CCDC47: variants seen among roughly 807,000 people sequenced by gnomAD.
The protein encoded by CCDC47 is coiled-coil domain containing 47.
In CCDC47, 41 loss-of-function variants were observed where a neutral mutation model predicts 60.5. That is an observed-to-expected ratio of 0.68 (90% CI 0.53 to 0.88). The LOEUF is 0.88. Among genes scored for constraint, CCDC47 ranks in the 40% least tolerant of loss-of-function variants. The pLI, the probability that CCDC47 is intolerant of heterozygous loss-of-function variation, is 0.00. For missense variants in CCDC47, 513 were observed against 580.9 expected, an observed-to-expected ratio of 0.88 and a Z score of 1.20; for synonymous variants, 195 against 190.7, an observed-to-expected ratio of 1.02 and a Z score of -0.18.
intron 6 of CCDC47, 98 bp from the exon 7 acceptor site, chr17:63,756,668 T>C (rs2039209615): frequency 6.6e-6 from 5 of 761,604 alleles, no homozygotes; most frequent in Non-Finnish European, 1.1e-5. Context: ...CGCTGGTGCA[T>C]ATACTCTCCC....
rs1276901369 is a variant in CCDC47, at chr17:63,745,472, TGTTA to T, written c.*1405_*1408del. 3 of 152,234 alleles carry T rather than the reference TGTTA, an allele frequency of 2.0e-5. No homozygotes were observed. Among genetic ancestry groups the T allele is most frequent in the South Asian group, 2.1e-4 (1 of 4,834 alleles). 9.4% of individuals were successfully genotyped at this position (152,234 alleles called of 1,614,324 possible). On this transcript the variant is annotated 3_prime_UTR_variant, in exon 13 of 13. Coordinates refer to ENST00000225726, the MANE Select transcript of CCDC47 (RefSeq NM_020198.3). ...ATAATATTAAAGTAATTAAGTTTTA[TGTTA>T]GTTATTTTAATAACAACTTCATGAA...
intron 12 of CCDC47, among the ~76,000 whole-genome samples, chr17:63,751,008 G>C (rs142629497): frequency 1.3e-5 from 2 of 150,568 alleles, no homozygotes; most frequent in Admixed American, 6.6e-5. Context: ...CCAAGTAGTT[G>C]GGACTACAGG....
At chr17:63,760,836 CAAAA>C (rs374704881) in intron 6 of CCDC47, 74 bp downstream of exon 6, 4,606 of 785,148 alleles carry the variant, frequency 5.9e-3, no homozygotes, top group South Asian at 8.2e-3. Flanking sequence ...GAGACTCCAT[CAAAA>C]AAAAAAAAAA....
At chr17:63,773,052 G>A (rs2039362348) in intron 1 of CCDC47, among the ~76,000 whole-genome samples, 1 of 152,226 alleles carries the variant, frequency 6.6e-6, no homozygotes, top group Non-Finnish European at 1.5e-5. Context: ...GCCAAAACGA[G>A]TATTCTGGAA....
rs1257498875 is a variant in CCDC47, at chr17:63,746,824, T to C, written c.*57A>G. On this transcript the variant is annotated 3_prime_UTR_variant, in exon 13 of 13. Transcript: ENST00000225726. ...GAGAAATGGACTGGCGTTTTTCATG[T>C]TTCCTGTGAATTCAGAGCTTACAGG... 9 of 1,308,152 alleles carry C rather than the reference T, an allele frequency of 6.9e-6. No individual in the cohort carries two copies. In the African/African-American group the frequency reaches 1.3e-4, roughly 19 times the overall value. The allele number at this position is 1,308,152 out of a possible 1,614,324, so 81.0% of individuals were successfully genotyped here.
At chr17:63,749,403 C>T (rs2039145166) in intron 12 of CCDC47, among the ~76,000 whole-genome samples, 1 of 121,158 alleles carries the variant, frequency 8.3e-6, no homozygotes, top group Admixed American at 9.1e-5. Context: ...TCAAACAAAA[C>T]AAAACAAAAC....
intron 12 of CCDC47, 47 bp downstream of exon 12, chr17:63,751,893 T>C (rs1271423635): frequency 6.3e-7 from 1 of 1,599,444 alleles, no homozygotes; most frequent in Non-Finnish European, 8.6e-7. Flanking sequence ...ACACAAGCAG[T>C]CATCCTTACA....
chr17:63,767,484 G>A (rs2039305567), intron 1 of CCDC47, among the ~76,000 whole-genome samples: 1 of 152,008 alleles, frequency 6.6e-6, no homozygotes. Flanking sequence ...AAAAAAGTGG[G>A]GAGACCATTT....
At chr17:63,769,375 A>G (rs550508861) in intron 1 of CCDC47, among the ~76,000 whole-genome samples, 29 of 152,140 alleles carry the variant, frequency 1.9e-4, no homozygotes, top group Admixed American at 1.7e-3. Flanking sequence ...GCACTTTGGG[A>G]GGCTGAGGTG....
chr17:63,760,462 A>G (rs1320786248), intron 6 of CCDC47, among the ~76,000 whole-genome samples: 1 of 152,198 alleles, frequency 6.6e-6, no homozygotes, highest in Admixed American at 6.5e-5. Flanking sequence ...CAAGGAGAAA[A>G]AGGGTCCATT....
Position 63,752,016 on chromosome 17 carries a change from C to T in CCDC47, c.1295G>A (p.Arg432Gln), listed in dbSNP as rs752824382. The change falls in exon 12 of 13, where the codon CGG (arginine) becomes CAG (glutamine). Residue 432 changes from arginine to glutamine, a missense_variant. Coordinates refer to ENST00000225726, the MANE Select transcript of CCDC47 (RefSeq NM_020198.3). The stretch of plus-strand genomic sequence containing the variant: ...CTCTGCTCTTTTTTTCTCCTCCCGC[C>T]GAGACTGTGCTGCTTCCTGTCTTTG... Reference protein sequence around the residue: ...HVQRQEAAQSRREEKKRAEKE... With the variant: ...HVQRQEAAQSQREEKKRAEKE... 8 of 1,613,532 alleles carry T rather than the reference C, an allele frequency of 5.0e-6. No homozygotes were observed. Among genetic ancestry groups the T allele is most frequent in the South Asian group, 1.1e-5 (1 of 91,070 alleles).
At chr17:63,754,355 G>T in intron 9 of CCDC47, 78 bp downstream of exon 9, 1 of 858,364 alleles carries the variant, frequency 1.2e-6, no homozygotes, top group Non-Finnish European at 1.9e-6. Context: ...AAGGGATATT[G>T]CAGAAGCACC....
rs1413539714 is a variant in CCDC47, at chr17:63,761,997, ATGGAG to A, written c.548-651_548-647del. ...TCTCTGCCAAAAGTTAAAAACTCCT[ATGGAG>A]TGAATAAAAAATACCATTAATACAA... On this transcript the variant is annotated intron_variant, in intron 4 of 12. Transcript: ENST00000225726. The A allele has an allele frequency of 6.0e-6, 5 of 837,414 alleles. No individual in the cohort carries two copies. In the African/African-American group the frequency reaches 9.2e-5, roughly 15 times the overall value. The allele number at this position is 837,414 out of a possible 1,614,324, so 51.9% of individuals were successfully genotyped here. A position where few individuals can be genotyped will look rare whatever the true frequency, so the allele number is the denominator to read the frequency against.
intron 1 of CCDC47, among the ~76,000 whole-genome samples, chr17:63,771,192 C>A (rs1360823482): frequency 6.6e-6 from 1 of 151,298 alleles, no homozygotes; most frequent in Non-Finnish European, 1.5e-5. Flanking sequence ...ATTCAACCAA[C>A]CACAGATGGA....
chr17:63,750,249 A>C lies in CCDC47; in HGVS notation c.1371+1691T>G, dbSNP rs1425005743. On this transcript the variant is annotated intron_variant, in intron 12 of 12. Coordinates refer to ENST00000225726, the MANE Select transcript of CCDC47 (RefSeq NM_020198.3). The stretch of plus-strand genomic sequence containing the variant: ...AGAAAAATGAAAGGCATTACCTATT[A>C]ATGATTCCTCTGTAGATTCTTCACA... Among the ~76,000 whole-genome samples, 3 of 152,340 alleles carry C rather than the reference A, an allele frequency of 2.0e-5. No individual in the cohort carries two copies. The East Asian group carries it at 5.8e-4, about 29-fold the overall frequency.
intron 12 of CCDC47, 76 bp from the exon 13 acceptor site, chr17:63,747,037 TAAAA>T (rs1021590518): frequency 6.5e-7 from 1 of 1,537,318 alleles, no homozygotes; most frequent in Non-Finnish European, 8.8e-7. Flanking sequence ...AAACATATGT[TAAAA>T]AAAAATCCAA....
chr17:63,766,884 G>GT (rs2039301826), intron 1 of CCDC47: 3 of 979,764 alleles, frequency 3.1e-6, no homozygotes, highest in Non-Finnish European at 3.6e-6. Flanking sequence ...TCTGTTAGTG[G>GT]TAACAAGAAT....
In CCDC47 at chr17:63,752,738, T is replaced by TA; in HGVS notation, c.1093+2dup. On this transcript the variant is annotated splice_region_variant and intron_variant, in intron 10 of 12. Transcript: ENST00000225726. Reference sequence around the variant, plus strand: ...GAACCCAGAAAGGACCCAGAATACTTACCATTAAATGTAAACAACAGTGTC... The same window carrying TA: ...GAACCCAGAAAGGACCCAGAATACTTAACCATTAAATGTAAACAACAGTGTC... The TA allele has an allele frequency of 1.2e-6, 2 of 1,610,420 alleles. No individual in the cohort carries two copies. The highest frequency in any genetic ancestry group is 1.7e-6 in the Non-Finnish European group (2 of 1,178,594).
Position 63,761,287 on chromosome 17 carries a change from G to C in CCDC47, c.612C>G (p.Ile204Met). 1 of 1,614,018 alleles carries C rather than the reference G, an allele frequency of 6.2e-7. No individual in the cohort carries two copies. Among genetic ancestry groups the C allele is most frequent in the Non-Finnish European group, 8.5e-7 (1 of 1,179,932 alleles). Residue 204 changes from isoleucine (I) to methionine (M), a missense_variant, in exon 5 of 13, where the codon ATC becomes ATG. Physicochemically the swap from Ile to Met is conservative, Grantham distance 10. Coordinates refer to ENST00000225726, the MANE Select transcript of CCDC47 (RefSeq NM_020198.3). ...CTCGACCAGAACACCACAGGTTATA[G>C]ATGTGCTCATTCTCCTGGTTCAACT... Reference protein sequence around the residue: ...TGKLNQENEHIYNLWCSGRVC... With the variant: ...TGKLNQENEHMYNLWCSGRVC...
Sources: allele counts gnomAD v4.1 joint callset (sites outside exome capture counted in the v4.1 genomes callset), GRCh38; gene constraint gnomAD v4.1.1; transcripts MANE v1.5; gene names NCBI Gene and HGNC (gene_info 2026-07-23, HGNC 2026-07-21).